Variants in GTF3C3 observed in about 807,000 individuals in gnomAD.
GTF3C3 encodes general transcription factor 3C polypeptide 3.
In GTF3C3, 75 loss-of-function variants were observed where a neutral mutation model predicts 105.2. The ratio of observed to expected loss-of-function variants is 0.71; its 90% CI spans 0.59 to 0.86. The LOEUF (loss-of-function observed/expected upper bound fraction) is 0.86, where lower values mean the gene tolerates loss of function less well. Among genes scored for constraint, GTF3C3 ranks in the 40% least tolerant of loss-of-function variants. The pLI is 0.00. For synonymous variants in GTF3C3, 335 were observed against 370.4 expected, an observed-to-expected ratio of 0.90 and a Z score of 1.10; for missense variants, 856 against 1,076.5, an observed-to-expected ratio of 0.80 and a Z score of 2.87.
chr2:196,789,854 GAAA>G (rs367760289), intron 5 of GTF3C3, 22 bp downstream of exon 5: 22 of 1,053,550 alleles, frequency 2.1e-5, no homozygotes, highest in Admixed American at 5.7e-5. Flanking sequence ...TTGTAAAAGT[GAAA>G]AAAAAAAAAA....
intron 4 of GTF3C3, 117 bp from the exon 5 acceptor site, chr2:196,790,187 T>G: frequency 1.8e-6 from 1 of 550,096 alleles, no homozygotes; most frequent in Non-Finnish European, 3.0e-6. Context: ...TTCAAATCAC[T>G]CTAGCAGAAT....
intron 1 of GTF3C3, 185 bp downstream of exon 1, chr2:196,799,325 A>T (rs868846019): frequency 1.1e-5 from 6 of 522,488 alleles, no homozygotes; most frequent in Non-Finnish European, 2.0e-5. Flanking sequence ...TCGGTGGGGG[A>T]AAACGTTTTA....
Position 196,785,476 on chromosome 2 carries a change from A to G in GTF3C3, c.1006T>C (p.Tyr336His), listed in dbSNP as rs1230114352. ...TTGTCATACTGTTTGTTAGAAATAT[A>G]TAGTTCAGCTGCTATGTTAACATCT... ...MEDVNIAAELYISNKQYDKAL... is the reference protein window; with the variant it reads ...MEDVNIAAELHISNKQYDKAL... The change falls in exon 7 of 18, where the codon TAT (tyrosine) becomes CAT (histidine). Residue 336 changes from tyrosine to histidine, a missense_variant. Around this residue, in one of 3 missense-constraint regions of GTF3C3, gnomAD observed 605 missense variants for 833.6 expected, o/e 0.73. Coordinates refer to ENST00000263956, the MANE Select transcript of GTF3C3 (RefSeq NM_012086.5). 6.2e-7 allele frequency: 1 copy of G among 1,610,352 alleles called. No homozygotes were observed. Among genetic ancestry groups the G allele is most frequent in the South Asian group, 1.1e-5 (1 of 90,470 alleles).
chr2:196,796,363 T>C (rs1156398747), intron 2 of GTF3C3, among the ~76,000 whole-genome samples: 1 of 152,208 alleles, frequency 6.6e-6, no homozygotes, highest in African/African-American at 2.4e-5. Flanking sequence ...GGAGCAGCTT[T>C]AGGTAACAGG....
Position 196,797,823 on chromosome 2 carries a change from T to C in GTF3C3, c.188A>G (p.Lys63Arg), listed in dbSNP as rs775924404. ...VPSSSGINSTKSQDKDVNEGE... is the reference protein window; with the variant it reads ...VPSSSGINSTRSQDKDVNEGE... ...TTCATTGACATCTTTGTCTTGGGAT[T>C]TGGTAGAGTTAATTCCTGATGATGA... is the stretch of plus-strand genomic sequence containing the variant. The change falls in exon 2 of 18, where the codon AAA (lysine) becomes AGA (arginine). Residue 63 changes from lysine to arginine, a missense_variant. Lys to Arg is a conservative substitution (Grantham distance 26). Around this residue, in one of 3 missense-constraint regions of GTF3C3, gnomAD observed 117 missense variants for 114.0 expected, o/e 1.03. Transcript: ENST00000263956. The C allele has an allele frequency of 1.9e-6, 3 of 1,600,856 alleles. No individual in the cohort carries two copies. Among genetic ancestry groups the C allele is most frequent in the East Asian group, 4.5e-5 (2 of 44,820 alleles).
chr2:196,779,727 C>A (rs1448481783), intron 9 of GTF3C3, among the ~76,000 whole-genome samples: 1 of 152,052 alleles, frequency 6.6e-6, no homozygotes, highest in Non-Finnish European at 1.5e-5. Flanking sequence ...TCAAATGTCA[C>A]CTTGTTTGTT....
intron 16 of GTF3C3, among the ~76,000 whole-genome samples, chr2:196,767,397 A>AAATT (rs1326500903): frequency 6.6e-6 from 1 of 152,240 alleles, no homozygotes; most frequent in African/African-American, 2.4e-5. Context: ...TCATTCACTG[A>AAATT]AATTACAAAT....
chr2:196,788,055 G>C (rs1559304109), intron 6 of GTF3C3, among the ~76,000 whole-genome samples: 1 of 152,200 alleles, frequency 6.6e-6, no homozygotes, highest in Non-Finnish European at 1.5e-5. Flanking sequence ...AAGGCTACTG[G>C]ACTAACCACT....
In GTF3C3 at chr2:196,791,247, T is replaced by A. The variant is rs1286304231; in HGVS notation, c.535+90A>T. ...AATCACCCTTAAGCTTCTGAACATA[T>A]TTTCCAAATAGTACTGTGAAGTGCT... On this transcript the variant is annotated intron_variant, in intron 4 of 17. Coordinates refer to ENST00000263956, the MANE Select transcript of GTF3C3 (RefSeq NM_012086.5). 4.8e-6 allele frequency: 6 copies of A among 1,244,838 alleles called. No homozygotes were observed. In the African/African-American group the frequency reaches 8.9e-5, roughly 19 times the overall value. The allele number at this position is 1,244,838 out of a possible 1,614,324, so 77.1% of individuals were successfully genotyped here.
intron 5 of GTF3C3, among the ~76,000 whole-genome samples, chr2:196,789,636 C>T (rs1394840977): frequency 6.6e-6 from 1 of 152,172 alleles, no homozygotes; most frequent in Non-Finnish European, 1.5e-5. Context: ...CAACACTGAT[C>T]TTAGTGAGAA....
At chr2:196,781,228 G>GT (rs199561196) in intron 8 of GTF3C3, among the ~76,000 whole-genome samples, 2,142 of 148,296 alleles carry the variant, frequency 0.014, 52 homozygotes, top group African/African-American at 0.049. Context: ...AATTATTCAA[G>GT]AATTAAATAA....
At position 196,786,097 on chromosome 2, in the gene GTF3C3, G is replaced by A. The variant is rs1488614749; in HGVS notation, c.894-509C>T. Reference sequence around the variant, plus strand: ...CCTGCCCAGCTGACCATGTTGACTGGTCTCACTCTAAACTGATGACCAATA... The same window carrying A: ...CCTGCCCAGCTGACCATGTTGACTGATCTCACTCTAAACTGATGACCAATA... On this transcript the variant is annotated intron_variant, in intron 6 of 17. Transcript: ENST00000263956. The surrounding 1 kb of genome is among the most constrained non-coding windows in gnomAD (Gnocchi z 4.2). Among the ~76,000 whole-genome samples, 1 of 152,064 alleles carries A rather than the reference G, an allele frequency of 6.6e-6. No homozygotes were observed. The highest frequency in any genetic ancestry group is 1.5e-5 in the Non-Finnish European group (1 of 68,008).
intron 10 of GTF3C3, among the ~76,000 whole-genome samples, chr2:196,777,255 C>G (rs1464846659): frequency 1.3e-5 from 2 of 152,096 alleles, no homozygotes; most frequent in African/African-American, 4.8e-5. Context: ...CCACCTCTCC[C>G]TAGTATTCTC....
At position 196,763,704 on chromosome 2, in the gene GTF3C3, G is replaced by A. The variant is rs1204169197; in HGVS notation, c.*859C>T. 6.6e-6 allele frequency: 1 copy of A among 151,532 alleles called. No homozygotes were observed. Among genetic ancestry groups the A allele is most frequent in the Non-Finnish European group, 1.5e-5 (1 of 68,016 alleles). The allele number at this position is 151,532 out of a possible 1,614,324, so 9.4% of individuals were successfully genotyped here. On this transcript the variant is annotated 3_prime_UTR_variant, in exon 18 of 18. Coordinates refer to ENST00000263956, the MANE Select transcript of GTF3C3 (RefSeq NM_012086.5). ...AGCATTTATTTTTCCCTAAAAAGTT[G>A]TTATTAAGCTAACAGTATATCATCT... is the stretch of plus-strand genomic sequence containing the variant.
At chr2:196,798,004 C>T (rs924822931) in intron 1 of GTF3C3, 96 bp from the exon 2 acceptor site, 9 of 746,542 alleles carry the variant, frequency 1.2e-5, no homozygotes, top group Non-Finnish European at 2.1e-5. Context: ...CTTTGCCACT[C>T]GGGCATTTTG....
In GTF3C3 at chr2:196,777,431, A is replaced by G. The variant is rs569201431; in HGVS notation, c.1391-802T>C. Among the ~76,000 whole-genome samples, 34 of 152,310 alleles carry G rather than the reference A, an allele frequency of 2.2e-4. No homozygotes were observed. The South Asian group carries it at 5.0e-3, about 22-fold the overall frequency. On this transcript the variant is annotated intron_variant, in intron 10 of 17. Coordinates refer to ENST00000263956, the MANE Select transcript of GTF3C3 (RefSeq NM_012086.5). ...AACTTTACACCCAATCAGTCAATCA[A>G]TCAATCAATACATGCGATCATTTGA...
chr2:196,797,754 T>C lies in GTF3C3; in HGVS notation c.214+43A>G, dbSNP rs1372548938. ...GTTTCACTAAATTACTTTGCTTACA[T>C]ACTCTAAACATTCATTGCAGGAAGC... On this transcript the variant is annotated intron_variant, in intron 2 of 17. Coordinates refer to ENST00000263956, the MANE Select transcript of GTF3C3 (RefSeq NM_012086.5). The C allele has an allele frequency of 3.7e-6, 4 of 1,067,320 alleles. No homozygotes were observed. In the South Asian group the frequency reaches 3.8e-5, roughly 10 times the overall value. The allele number at this position is 1,067,320 out of a possible 1,614,324, so 66.1% of individuals were successfully genotyped here.
intron 4 of GTF3C3, among the ~76,000 whole-genome samples, chr2:196,790,806 T>C (rs924275889): frequency 2.0e-5 from 3 of 152,126 alleles, no homozygotes; most frequent in Admixed American, 1.3e-4. Context: ...GTTCACTGTA[T>C]TACAGCTATC....
chr2:196,781,357 A>AAAAAAAAAAAAAAAAAATATATATAT, intron 8 of GTF3C3, among the ~76,000 whole-genome samples: 1 of 18,812 alleles, frequency 5.3e-5, no homozygotes, highest in African/African-American at 1.0e-4. Context: ...AAAAAAAAAA[A>AAAAAAAAAAAAAAAAAATATATATAT]ATATATATAT....
Sources: allele counts gnomAD v4.1 joint callset (sites outside exome capture counted in the v4.1 genomes callset), GRCh38; gene constraint gnomAD v4.1.1; regional missense constraint gnomAD v4.1.1; non-coding constraint Gnocchi (gnomAD v3.1); transcripts MANE v1.5; gene names NCBI Gene and HGNC (gene_info 2026-07-23, HGNC 2026-07-21).